The following ELSPBP1 variants were observed in gnomAD, a reference collection of about 807,000 sequenced individuals.
ELSPBP1 encodes the protein epididymal sperm binding protein 1, also known as epididymal sperm-binding protein 1.
Under a neutral mutation model 33.3 loss-of-function variants are expected in ELSPBP1, and 38 were observed. That is an observed-to-expected ratio of 1.14 (90% CI 0.88 to 1.50). The LOEUF is 1.50. Among genes scored for constraint, ELSPBP1 ranks in the 40% most tolerant of loss-of-function variants. The pLI, the probability that ELSPBP1 is intolerant of heterozygous loss-of-function variation, is 0.00. For missense variants in ELSPBP1, 267 were observed against 263.5 expected (o/e 1.01, Z -0.09); for synonymous variants, 85 against 94.1 (o/e 0.90, Z 0.56).
chr19:48,015,713 C>T (rs1202711722), intron 3 of ELSPBP1, among the ~76,000 whole-genome samples, 180 bp from the exon 4 acceptor site: 1 of 152,122 alleles, frequency 6.6e-6, no homozygotes, highest in Admixed American at 6.6e-5. Context: ...CGAGTTCAAA[C>T]TTGTGTTGTT....
At chr19:47,999,387 CTTTTT>C (rs397937280) in intron 1 of ELSPBP1, among the ~76,000 whole-genome samples, 3 of 129,976 alleles carry the variant, frequency 2.3e-5, no homozygotes, top group African/African-American at 8.8e-5. Context: ...AGCCTCATTT[CTTTTT>C]TTTTTTTTTT....
At chr19:48,018,352 T>C (rs1967163970) in intron 4 of ELSPBP1, among the ~76,000 whole-genome samples, 1 of 152,138 alleles carries the variant, frequency 6.6e-6, no homozygotes, top group South Asian at 2.1e-4. Flanking sequence ...GGTGATGCCA[T>C]ACCAGGTACC....
intron 6 of ELSPBP1, among the ~76,000 whole-genome samples, chr19:48,024,063 T>C (rs1967244711): frequency 1.3e-5 from 2 of 149,858 alleles, no homozygotes; most frequent in Middle Eastern, 3.4e-3. Flanking sequence ...TTTGTATTTT[T>C]AGTAGAGACG....
intron 4 of ELSPBP1, among the ~76,000 whole-genome samples, chr19:48,019,171 G>T (rs899883382): frequency 1.3e-5 from 2 of 151,798 alleles, no homozygotes; most frequent in African/African-American, 2.4e-5. Context: ...AAAAAATAAC[G>T]TCTCGAAGTG....
chr19:48,003,539 C>CTTTTTTTTTTTTTTTTT (rs34961390), intron 1 of ELSPBP1, among the ~76,000 whole-genome samples: 1 of 138,890 alleles, frequency 7.2e-6, no homozygotes, highest in Non-Finnish European at 1.6e-5. Context: ...CACCCCTGCT[C>CTTTTTTTTTTTTTTTTT]TTTTTTTTTT....
intron 1 of ELSPBP1, among the ~76,000 whole-genome samples, chr19:48,001,676 A>T (rs1322978584): frequency 6.6e-6 from 1 of 151,798 alleles, no homozygotes; most frequent in Non-Finnish European, 1.5e-5. Flanking sequence ...TTGAGTAGAC[A>T]GGACTACAGG....
Position 48,011,448 on chromosome 19 carries a change from T to TGAA in ELSPBP1, c.70+2713_70+2714insAGA, listed in dbSNP as rs201980175. Among the ~76,000 whole-genome samples the TGAA allele has an allele frequency of 1.8e-5, 1 of 56,422 alleles. No individual in the cohort carries two copies. The highest frequency in any genetic ancestry group is 5.7e-5 in the African/African-American group (1 of 17,512). 37.0% of individuals were successfully genotyped at this position (56,422 alleles called of 152,430 possible). ...AGGAGAATAATGATCACGATGACAG[T>TGAA]GATGATGATGACAATGACAATAATG... On this transcript the variant is annotated intron_variant, in intron 2 of 6. Coordinates refer to ENST00000339841, the MANE Select transcript of ELSPBP1 (RefSeq NM_022142.5). The surrounding 1 kb of genome is among the most constrained non-coding windows in gnomAD (Gnocchi z 4.5).
At chr19:48,015,509 T>A (rs1489870927) in intron 3 of ELSPBP1, among the ~76,000 whole-genome samples, 6 of 152,014 alleles carry the variant, frequency 3.9e-5, no homozygotes, top group South Asian at 2.1e-4. Context: ...TTAAAAAAAA[T>A]TAGCTGGGTG....
chr19:48,006,643 A>G (rs10404579), intron 1 of ELSPBP1, among the ~76,000 whole-genome samples: 2,863 of 139,482 alleles, frequency 0.021, 167 homozygotes, highest in African/African-American at 0.07. Flanking sequence ...AAAAAAAAAA[A>G]AAAAGAAAAG....
At position 48,011,833 on chromosome 19, in the gene ELSPBP1, A is replaced by G. The variant is rs1967083031; in HGVS notation, c.71-2338A>G. Among the ~76,000 whole-genome samples the G allele has an allele frequency of 6.6e-6, 1 of 152,208 alleles. No individual in the cohort carries two copies. Among genetic ancestry groups the G allele is most frequent in the Non-Finnish European group, 1.5e-5 (1 of 68,036 alleles). ...AGCTAATATTTATTAAGCAGCAGCC[A>G]TGCTCCAGGTACTCTTCTAAGCACT... is the stretch of plus-strand genomic sequence containing the variant. On this transcript the variant is annotated intron_variant, in intron 2 of 6. Transcript: ENST00000339841. This position sits in a 1 kb window ranked among gnomAD's most constrained non-coding sequence, Gnocchi z 4.5.
intron 1 of ELSPBP1, among the ~76,000 whole-genome samples, chr19:48,003,556 T>TTTTTTG (rs1966987968): frequency 6.7e-6 from 1 of 150,274 alleles, no homozygotes. Flanking sequence ...TTTTTTTTTT[T>TTTTTTG]GATGGAGTCT....
chr19:48,019,967 G>A lies in ELSPBP1; in HGVS notation c.514+90G>A, dbSNP rs549568850. ...CCTCCTGAAACCCCACTGTGAGCCAGGCACTGAGTTGGGCACTGAGGATCT... is the reference window on the plus strand; with the variant it reads ...CCTCCTGAAACCCCACTGTGAGCCAAGCACTGAGTTGGGCACTGAGGATCT... On this transcript the variant is annotated intron_variant, in intron 5 of 6. Coordinates refer to ENST00000339841, the MANE Select transcript of ELSPBP1 (RefSeq NM_022142.5). 1.8e-5 allele frequency: 25 copies of A among 1,413,028 alleles called. No individual in the cohort carries two copies. The African/African-American group carries it at 2.6e-4, about 14-fold the overall frequency. The allele number at this position is 1,413,028 out of a possible 1,614,324, so 87.5% of individuals were successfully genotyped here.
chr19:48,002,268 G>A (rs1431289071), intron 1 of ELSPBP1, among the ~76,000 whole-genome samples: 1 of 152,086 alleles, frequency 6.6e-6, no homozygotes, highest in Non-Finnish European at 1.5e-5. Context: ...GCTCTTTCTG[G>A]CATTATAACC....
intron 1 of ELSPBP1, among the ~76,000 whole-genome samples, chr19:48,001,922 C>G (rs529979010): frequency 4.2e-4 from 64 of 152,124 alleles, no homozygotes; most frequent in Non-Finnish European, 6.6e-4. Flanking sequence ...ATCTCAAACT[C>G]CTGGGCTTGA....
chr19:47,997,480 C>T (rs1331471571), intron 1 of ELSPBP1, among the ~76,000 whole-genome samples: 1 of 152,056 alleles, frequency 6.6e-6, no homozygotes, highest in Non-Finnish European at 1.5e-5. Context: ...TGTATATACA[C>T]ATTATGTATG....
intron 1 of ELSPBP1, among the ~76,000 whole-genome samples, chr19:48,001,371 C>T (rs1463819327): frequency 2.0e-5 from 3 of 147,076 alleles, no homozygotes; most frequent in East Asian, 4.0e-4. Context: ...GTAGTAGAGA[C>T]GTGGTTTCAC....
intron 6 of ELSPBP1, among the ~76,000 whole-genome samples, chr19:48,023,479 G>T (rs1436893995): frequency 5.9e-5 from 4 of 67,648 alleles, no homozygotes; most frequent in Admixed American, 1.7e-4. Flanking sequence ...AGGAAGGGAG[G>T]AGGGAAGGGA....
chr19:48,005,607 G>GC (rs1967010003), intron 1 of ELSPBP1, among the ~76,000 whole-genome samples: 1 of 152,174 alleles, frequency 6.6e-6, no homozygotes, highest in Non-Finnish European at 1.5e-5. Flanking sequence ...TGTCTGGGAG[G>GC]CAGTTGAAAA....
intron 5 of ELSPBP1, among the ~76,000 whole-genome samples, chr19:48,021,902 C>A (rs537113163): frequency 6.6e-6 from 1 of 152,176 alleles, no homozygotes; most frequent in East Asian, 1.9e-4. Flanking sequence ...ATACACCACA[C>A]CCAACTAATT....
Sources: allele counts gnomAD v4.1 joint callset (sites outside exome capture counted in the v4.1 genomes callset), GRCh38; gene constraint gnomAD v4.1.1; non-coding constraint Gnocchi (gnomAD v3.1); transcripts MANE v1.5; gene names NCBI Gene and HGNC (gene_info 2026-07-23, HGNC 2026-07-21).